KCNMB2: variants seen among roughly 807,000 people sequenced by gnomAD.
KCNMB2 encodes the protein calcium-activated potassium channel subunit beta-2.
KCNMB2 carries 9 observed loss-of-function variants against 24.5 expected under a neutral mutation model. The ratio of observed to expected loss-of-function variants is 0.37; its 90% CI spans 0.22 to 0.64. KCNMB2 has a LOEUF of 0.64. Ranked by LOEUF, KCNMB2 falls within the 30% of genes least tolerant of loss-of-function variation. The probability of loss-of-function intolerance (pLI) is 0.63; values close to 1 mark genes in which losing one functional copy is unlikely to be tolerated. For synonymous variants in KCNMB2, 109 were observed against 104.4 expected (o/e 1.04, Z -0.27); for missense variants, 226 against 284.3 (o/e 0.79, Z 1.47).
At position 178,657,057 on chromosome 3, in the gene KCNMB2, A is replaced by G. The variant is rs1720370794; in HGVS notation, c.-68+120346A>G. 2.6e-5 allele frequency among the ~76,000 whole-genome samples: 4 copies of G among 152,072 alleles called. 1 individual carries two copies. In the South Asian group the frequency reaches 8.3e-4, roughly 32 times the overall value. On this transcript the variant is annotated intron_variant, in intron 1 of 4. Coordinates refer to ENST00000452583, the MANE Select transcript of KCNMB2 (RefSeq NM_181361.3). ...TGCTAGATGCTCTCTGTCTCTCAGT[A>G]CCTCAGTTGTTATTACATTCCTGCA...
At chr3:178,570,213 T>C (rs764672167) in intron 1 of KCNMB2, among the ~76,000 whole-genome samples, 21 of 152,282 alleles carry the variant, frequency 1.4e-4, no homozygotes, top group Admixed American at 3.3e-4. Context: ...CTCTCACCCA[T>C]TGAAAGTGGT....
At chr3:178,571,876 G>A (rs907041120) in intron 1 of KCNMB2, among the ~76,000 whole-genome samples, 5 of 151,880 alleles carry the variant, frequency 3.3e-5, no homozygotes, top group East Asian at 1.9e-4. Flanking sequence ...TCCTTTTTAC[G>A]GCTGCATAGT....
At chr3:178,694,754 C>T (rs1721813651) in intron 1 of KCNMB2, among the ~76,000 whole-genome samples, 2 of 152,204 alleles carry the variant, frequency 1.3e-5, no homozygotes, top group Admixed American at 6.5e-5. Context: ...GGGTTTTGAA[C>T]AGTTCTGCCC....
At chr3:178,779,983 C>T (rs142859693) in intron 1 of KCNMB2, among the ~76,000 whole-genome samples, 89 of 149,360 alleles carry the variant, frequency 6.0e-4, no homozygotes, top group African/African-American at 2.2e-3. Context: ...TTTTCCTATA[C>T]TTACCAGGTT....
At chr3:178,628,249 G>T (rs1274881505) in intron 1 of KCNMB2, among the ~76,000 whole-genome samples, 8 of 152,038 alleles carry the variant, frequency 5.3e-5, no homozygotes, top group Non-Finnish European at 1.2e-4. Flanking sequence ...GCTAAAAGGA[G>T]GACTGAACAA....
chr3:178,602,039 T>A (rs1718099520), intron 1 of KCNMB2, among the ~76,000 whole-genome samples: 1 of 152,180 alleles, frequency 6.6e-6, no homozygotes, highest in Non-Finnish European at 1.5e-5. Flanking sequence ...ACAGGTTTAT[T>A]GACTGCCTTG....
chr3:178,627,288 A>G (rs1314271029), intron 1 of KCNMB2, among the ~76,000 whole-genome samples: 1 of 152,188 alleles, frequency 6.6e-6, no homozygotes, highest in South Asian at 2.1e-4. Flanking sequence ...AGAAAATACT[A>G]AGACTAATTT....
chr3:178,700,190 T>C (rs2108339029), intron 1 of KCNMB2, among the ~76,000 whole-genome samples: 1 of 152,376 alleles, frequency 6.6e-6, no homozygotes, highest in Non-Finnish European at 1.5e-5. Flanking sequence ...ACATTAATTT[T>C]ACAATGCAAA....
chr3:178,801,988 A>G (rs1713794137), intron 1 of KCNMB2: 1 of 152,208 alleles, frequency 6.6e-6, no homozygotes, highest in South Asian at 2.1e-4. Flanking sequence ...AACTAAAACA[A>G]AGTAAAGTAT....
At chr3:178,626,886 A>ATATATATATAGTAAGTATATATATAAG (rs1560137434) in intron 1 of KCNMB2, among the ~76,000 whole-genome samples, 7 of 147,980 alleles carry the variant, frequency 4.7e-5, no homozygotes, top group Non-Finnish European at 1.0e-4. Flanking sequence ...TATGTAACTT[A>ATATATATATAGTAAGTATATATATAAG]TATATATATA....
intron 1 of KCNMB2, among the ~76,000 whole-genome samples, chr3:178,546,691 C>A (rs1036911418): frequency 6.6e-6 from 1 of 152,156 alleles, no homozygotes; most frequent in Non-Finnish European, 1.5e-5. Flanking sequence ...TAGAAAAGAG[C>A]CATGCTAAGT....
At chr3:178,663,121 C>T (rs1375314998) in intron 1 of KCNMB2, among the ~76,000 whole-genome samples, 2 of 152,086 alleles carry the variant, frequency 1.3e-5, no homozygotes, top group Non-Finnish European at 2.9e-5. Context: ...CCCTCATCTT[C>T]AAGGAGGCTG....
At chr3:178,574,439 G>A (rs1255340348) in intron 1 of KCNMB2, among the ~76,000 whole-genome samples, 5 of 152,210 alleles carry the variant, frequency 3.3e-5, no homozygotes, top group Non-Finnish European at 5.9e-5. Context: ...CTCTATCCCT[G>A]TTGGACTCAT....
intron 1 of KCNMB2, among the ~76,000 whole-genome samples, chr3:178,757,411 GAT>G (rs10688617): frequency 6.9e-4 from 24 of 34,826 alleles, no homozygotes; most frequent in African/African-American, 1.1e-3. Flanking sequence ...TATCCAAGAG[GAT>G]ATATATATAT....
At chr3:178,755,117 G>A (rs1319905032) in intron 1 of KCNMB2, among the ~76,000 whole-genome samples, 2 of 152,226 alleles carry the variant, frequency 1.3e-5, no homozygotes, top group Non-Finnish European at 2.9e-5. Flanking sequence ...ACAGCTATGA[G>A]AGTGCCGTTT....
At chr3:178,810,912 T>A (rs1202118674) in intron 2 of KCNMB2, among the ~76,000 whole-genome samples, 2 of 147,122 alleles carry the variant, frequency 1.4e-5, no homozygotes, top group East Asian at 3.9e-4. Context: ...CTTTTTTTTT[T>A]TTTTTTTTTT....
chr3:178,757,837 G>C lies in KCNMB2; in HGVS notation c.-67-49506G>C, dbSNP rs563347185. Among the ~76,000 whole-genome samples the C allele has an allele frequency of 2.7e-4, 15 of 55,396 alleles. 3 individuals are homozygous for C. In the South Asian group the frequency reaches 3.6e-3, roughly 13 times the overall value. The allele number at this position is 55,396 out of a possible 152,430, so 36.3% of individuals were successfully genotyped here. The stretch of plus-strand genomic sequence containing the variant: ...GATATATATATACACATCCATCCAA[G>C]AGGATATATATATCCAAGAGGATAC... On this transcript the variant is annotated intron_variant, in intron 1 of 4. Transcript: ENST00000452583.
At chr3:178,691,592 T>C (rs1015305423) in intron 1 of KCNMB2, among the ~76,000 whole-genome samples, 4 of 152,172 alleles carry the variant, frequency 2.6e-5, no homozygotes, top group Non-Finnish European at 5.9e-5. Context: ...ACAACCTCAT[T>C]CTTTTTATGG....
At chr3:178,609,144 C>T (rs939270635) in intron 1 of KCNMB2, among the ~76,000 whole-genome samples, 1 of 152,152 alleles carries the variant, frequency 6.6e-6, no homozygotes, top group African/African-American at 2.4e-5. Context: ...CACATCCTCG[C>T]CAGCATTTGT....
Sources: gnomAD v4.1 joint callset for allele counts (sites outside exome capture counted in the v4.1 genomes callset) on GRCh38, gnomAD v4.1.1 for gene constraint, MANE v1.5 for transcripts, NCBI Gene and HGNC (gene_info 2026-07-23, HGNC 2026-07-21) for gene names.